IL1RAPL2: variants seen among roughly 807,000 people sequenced by gnomAD.
The protein encoded by IL1RAPL2 is interleukin 1 receptor accessory protein like 2, also known as X-linked interleukin-1 receptor accessory protein-like 2.
A neutral mutation model predicts 44.1 loss-of-function variants in IL1RAPL2; 3 were observed. The observed-to-expected ratio is 0.07, with a 90% CI of 0.03 to 0.18. The LOEUF (loss-of-function observed/expected upper bound fraction) is 0.18. Ranked by LOEUF, IL1RAPL2 falls within the 10% of genes least tolerant of loss-of-function variation. The pLI is 1.00. For missense variants in IL1RAPL2, 391 were observed against 496.4 expected (o/e 0.79, Z 2.02); for synonymous variants, 181 against 178.8 (o/e 1.01, Z -0.10).
intron 2 of IL1RAPL2, among the ~76,000 whole-genome samples, chrX:104,990,621 G>A (rs764279967): frequency 1.1e-3 from 125 of 111,525 alleles, no homozygotes; most frequent in Non-Finnish European, 1.8e-3. Flanking sequence ...GATTATAAAG[G>A]TAATCTTGTA....
intron 2 of IL1RAPL2, among the ~76,000 whole-genome samples, chrX:104,864,411 CTGTT>C (rs1922564065): frequency 8.9e-6 from 1 of 112,296 alleles, no homozygotes; most frequent in African/African-American, 3.2e-5. Flanking sequence ...GGCAGAGAAA[CTGTT>C]TAAGTTGGGA....
intron 2 of IL1RAPL2, among the ~76,000 whole-genome samples, chrX:105,082,421 G>T (rs6621920): frequency 9.1e-6 from 1 of 110,050 alleles, no homozygotes; most frequent in Non-Finnish European, 1.9e-5. Flanking sequence ...TCAAAAACCA[G>T]GTCCTGGGTT....
intron 3 of IL1RAPL2, among the ~76,000 whole-genome samples, chrX:105,196,414 C>A (rs1252578949): frequency 2.7e-5 from 3 of 111,632 alleles, no homozygotes; most frequent in African/African-American, 9.8e-5. Flanking sequence ...TATCTGGCCA[C>A]GAAAATGATC....
rs762011256 is a variant in IL1RAPL2 at position 104,940,550 on chromosome X, G to A, written c.83-254925G>A. On this transcript the variant is annotated intron_variant, in intron 2 of 10. Coordinates refer to ENST00000372582, the MANE Select transcript of IL1RAPL2 (RefSeq NM_017416.2). ...TCAAGATTTTGTTGTGAATGTTAAG[G>A]AAATGCAGACTAATTTCTTATTTGG... Among the ~76,000 whole-genome samples the A allele has an allele frequency of 1.1e-4, 12 of 110,943 alleles. No homozygotes were observed. In the South Asian group the frequency reaches 4.2e-3, roughly 39 times the overall value.
Position 104,914,780 on chromosome X carries a change from C to T in IL1RAPL2, c.82+255785C>T, listed in dbSNP as rs1300072202. On this transcript the variant is annotated intron_variant, in intron 2 of 10. Coordinates refer to ENST00000372582, the MANE Select transcript of IL1RAPL2 (RefSeq NM_017416.2). Reference sequence around the variant, plus strand: ...CCTTCCTGTGTCCATGTGTTCTCATCGTTCAATTCCCATCTATGAGTGAGA... The same window carrying T: ...CCTTCCTGTGTCCATGTGTTCTCATTGTTCAATTCCCATCTATGAGTGAGA... Among the ~76,000 whole-genome samples the T allele has an allele frequency of 1.0e-4, 11 of 109,757 alleles. No individual in the cohort carries two copies. In the East Asian group the frequency reaches 2.6e-3, roughly 26 times the overall value.
At chrX:105,548,490 T>C (rs2036825256) in intron 6 of IL1RAPL2, among the ~76,000 whole-genome samples, 1 of 112,019 alleles carries the variant, frequency 8.9e-6, no homozygotes, top group African/African-American at 3.2e-5. Context: ...CCAGTATAGC[T>C]GGAGCAAAGT....
chrX:104,755,149 A>C (rs1236136502), intron 2 of IL1RAPL2, among the ~76,000 whole-genome samples: 1 of 111,619 alleles, frequency 9.0e-6, no homozygotes, highest in East Asian at 2.8e-4. Context: ...CAACAATATC[A>C]TACTCACGGT....
intron 6 of IL1RAPL2, among the ~76,000 whole-genome samples, chrX:105,677,027 AGT>A (rs2037878702): frequency 8.9e-6 from 1 of 111,845 alleles, no homozygotes. Context: ...TAAAGTTTCC[AGT>A]GTCTCTTGTG....
chrX:104,811,207 T>C (rs891734592), intron 2 of IL1RAPL2, among the ~76,000 whole-genome samples: 8 of 110,614 alleles, frequency 7.2e-5, no homozygotes, highest in African/African-American at 2.0e-4. Context: ...CTGAATTGCA[T>C]AGTGACCAAA....
intron 6 of IL1RAPL2, among the ~76,000 whole-genome samples, chrX:105,696,824 G>C (rs764947788): frequency 1.4e-4 from 16 of 111,657 alleles, no homozygotes; most frequent in Non-Finnish European, 2.3e-4. Context: ...AGCTAAAACA[G>C]GGTATTTACT....
At chrX:105,640,088 T>A (rs2037553504) in intron 6 of IL1RAPL2, among the ~76,000 whole-genome samples, 1 of 111,541 alleles carries the variant, frequency 9.0e-6, no homozygotes, top group Non-Finnish European at 1.9e-5. Context: ...TATTATTTTT[T>A]CTATCTAACT....
chrX:105,037,674 C>T (rs1442994851), intron 2 of IL1RAPL2, among the ~76,000 whole-genome samples: 9 of 111,588 alleles, frequency 8.1e-5, no homozygotes, highest in Non-Finnish European at 1.7e-4. Context: ...TGTCATTTGT[C>T]CTCTAGATCC....
intron 6 of IL1RAPL2, among the ~76,000 whole-genome samples, chrX:105,685,238 T>A (rs2037960363): frequency 9.0e-6 from 1 of 111,630 alleles, no homozygotes; most frequent in African/African-American, 3.3e-5. Flanking sequence ...CTTCAGAAGG[T>A]CGGTAATAAC....
intron 2 of IL1RAPL2, among the ~76,000 whole-genome samples, chrX:104,811,826 C>T (rs1244806992): frequency 2.7e-5 from 3 of 110,761 alleles, no homozygotes; most frequent in Non-Finnish European, 5.7e-5. Context: ...TCTCTGGTTA[C>T]AGTTTTGAAT....
At chrX:105,106,112 T>C (rs1310642941) in intron 2 of IL1RAPL2, among the ~76,000 whole-genome samples, 1 of 112,166 alleles carries the variant, frequency 8.9e-6, no homozygotes, top group Admixed American at 9.5e-5. Flanking sequence ...CCCATGATTT[T>C]CTTCTTAAAA....
chrX:104,811,074 T>C (rs953726775), intron 2 of IL1RAPL2, among the ~76,000 whole-genome samples: 4 of 111,952 alleles, frequency 3.6e-5, no homozygotes, highest in African/African-American at 1.3e-4. Flanking sequence ...GAGAAAATGC[T>C]AGAGACAAAA....
In IL1RAPL2 at chrX:105,767,698, A is replaced by G. The variant is rs758939286; in HGVS notation, c.*37A>G. 3.1e-5 allele frequency: 31 copies of G among 1,001,012 alleles called. No individual in the cohort carries two copies. In the South Asian group the frequency reaches 6.1e-4, roughly 20 times the overall value. 82.5% of individuals were successfully genotyped at this position (1,001,012 alleles called of 1,213,427 possible). A position where few individuals can be genotyped will look rare whatever the true frequency, so the allele number is the denominator to read the frequency against. On this transcript the variant is annotated 3_prime_UTR_variant, in exon 11 of 11. Transcript: ENST00000372582. The stretch of plus-strand genomic sequence containing the variant: ...AATTCCTCTGAACAGCTAGATAAGC[A>G]TAGAGAATTTCTGTTATACCAAGCA...
intron 2 of IL1RAPL2, among the ~76,000 whole-genome samples, chrX:104,670,700 C>G (rs1340870944): frequency 2.7e-5 from 3 of 110,868 alleles, no homozygotes; most frequent in Non-Finnish European, 5.7e-5. Context: ...GTCCTGTCAC[C>G]CAGGTAGTGA....
intron 2 of IL1RAPL2, among the ~76,000 whole-genome samples, chrX:104,974,247 G>C (rs1033530626): frequency 8.9e-6 from 1 of 111,743 alleles, no homozygotes; most frequent in Admixed American, 9.5e-5. Context: ...AAGATCCCAT[G>C]CAAAGGTAGT....
Sources: gnomAD v4.1 joint callset for allele counts (sites outside exome capture counted in the v4.1 genomes callset) on GRCh38, gnomAD v4.1.1 for gene constraint, MANE v1.5 for transcripts, NCBI Gene and HGNC (gene_info 2026-07-23, HGNC 2026-07-21) for gene names.